The following ABI3BP variants were observed in gnomAD, a reference collection of about 807,000 sequenced individuals.
ABI3BP encodes ABI family member 3 binding protein, also known as target of Nesh-SH3.
In ABI3BP, 216 loss-of-function variants were observed where a neutral mutation model predicts 268.6. The ratio of observed to expected loss-of-function variants is 0.80; its 90% CI spans 0.72 to 0.90. The LOEUF (loss-of-function observed/expected upper bound fraction) is 0.90. Ranked by LOEUF, ABI3BP falls within the 40% of genes least tolerant of loss-of-function variation. ABI3BP has a pLI of 0.00. For missense variants in ABI3BP, 2,090 were observed against 2,182.4 expected (o/e 0.96, Z 0.84); for synonymous variants, 730 against 730.0 (o/e 1.00, Z 0.00).
chr3:100,901,074 T>C (rs1057085516), intron 3 of ABI3BP, among the ~76,000 whole-genome samples: 1 of 152,216 alleles, frequency 6.6e-6, no homozygotes, highest in Non-Finnish European at 1.5e-5. Context: ...AAGTACAGTC[T>C]TGAAATATTG....
chr3:100,914,565 A>G lies in ABI3BP; in HGVS notation c.259+11737T>C, dbSNP rs1583214363. On this transcript the variant is annotated intron_variant, in intron 2 of 67. Transcript: ENST00000471714. ...CATGTTGGTGCGGATGTCACAAGAG[A>G]AGTTGCTCAGAATTGTTTGGAATTG... 2.1e-5 allele frequency: 8 copies of G among 384,056 alleles called. No homozygotes were observed. In the East Asian group the frequency reaches 5.1e-4, roughly 25 times the overall value. The allele number at this position is 384,056 out of a possible 1,614,324, so 23.8% of individuals were successfully genotyped here.
At chr3:100,959,917 G>C (rs909443628) in intron 1 of ABI3BP, among the ~76,000 whole-genome samples, 4 of 152,124 alleles carry the variant, frequency 2.6e-5, no homozygotes, top group African/African-American at 9.7e-5. Context: ...AGTGTCTACT[G>C]TCCTACATAA....
chr3:100,827,947 C>A (rs950000610), intron 34 of ABI3BP, among the ~76,000 whole-genome samples: 1 of 151,300 alleles, frequency 6.6e-6, no homozygotes, highest in Admixed American at 6.6e-5. Flanking sequence ...CATACATTAA[C>A]AAAATAACAA....
In ABI3BP at chr3:100,792,772, G is replaced by C; in HGVS notation, c.3947-4C>G. 1 of 1,610,004 alleles carries C rather than the reference G, an allele frequency of 6.2e-7. No individual in the cohort carries two copies. The highest frequency in any genetic ancestry group is 8.5e-7 in the Non-Finnish European group (1 of 1,177,100). On this transcript the variant is annotated splice_region_variant and splice_polypyrimidine_tract_variant and intron_variant, in intron 54 of 67. Transcript: ENST00000471714. Reference sequence around the variant, plus strand: ...TGGGTGGATTGGTCTGTTTCTTCTAGAGAAAACACAGTAAGATTGCTTGTT... The same window carrying C: ...TGGGTGGATTGGTCTGTTTCTTCTACAGAAAACACAGTAAGATTGCTTGTT...
Position 100,828,442 on chromosome 3 carries a change from T to G in ABI3BP, c.2553A>C (p.Thr851=), listed in dbSNP as rs754302684. ...TTATAGGAGAAACTGGTTCAAAGAT[T>G]GTAGCAGGAACTGGCCAAAAATAAT... ...EELQTELVPA[T]IFEPVSPIKE... is the part of the protein sequence containing the mutation. Residue 851 remains threonine (T), a synonymous_variant, in exon 34 of 68, where the codon ACA becomes ACC. Coordinates refer to ENST00000471714, the MANE Select transcript of ABI3BP (RefSeq NM_001375547.2). 1.3e-6 allele frequency: 2 copies of G among 1,534,990 alleles called. No individual in the cohort carries two copies. The highest frequency in any genetic ancestry group is 2.0e-5 in the Admixed American group (1 of 50,934).
intron 54 of ABI3BP, among the ~76,000 whole-genome samples, chr3:100,793,088 T>C (rs2097246626): frequency 1.3e-5 from 2 of 151,950 alleles, no homozygotes; most frequent in Non-Finnish European, 2.9e-5. Context: ...GTTGCCTCGA[T>C]GTATTTATCT....
At chr3:100,988,621 T>A (rs752046969) in intron 1 of ABI3BP, among the ~76,000 whole-genome samples, 1 of 152,130 alleles carries the variant, frequency 6.6e-6, no homozygotes, top group Non-Finnish European at 1.5e-5. Context: ...GGATCCTTTT[T>A]TTCTCAAAAT....
intron 50 of ABI3BP, among the ~76,000 whole-genome samples, chr3:100,806,977 T>C (rs1468844841): frequency 1.3e-5 from 2 of 152,106 alleles, no homozygotes; most frequent in Non-Finnish European, 2.9e-5. Context: ...TCCTATTACT[T>C]CATATCTCCT....
intron 1 of ABI3BP, among the ~76,000 whole-genome samples, chr3:100,986,307 C>T (rs2091740880): frequency 6.6e-6 from 1 of 152,172 alleles, no homozygotes; most frequent in South Asian, 2.1e-4. Context: ...TCAGACCTCA[C>T]CTCTGGCCAG....
At chr3:100,944,011 T>A (rs1402322719) in intron 1 of ABI3BP, among the ~76,000 whole-genome samples, 1 of 152,164 alleles carries the variant, frequency 6.6e-6, no homozygotes, top group Non-Finnish European at 1.5e-5. Context: ...TTCTTAGTAG[T>A]AAGCGCAGAT....
chr3:100,988,059 T>A (rs902966908), intron 1 of ABI3BP, among the ~76,000 whole-genome samples: 7 of 152,210 alleles, frequency 4.6e-5, no homozygotes, highest in Non-Finnish European at 5.9e-5. Context: ...TATATGTTAC[T>A]CAAATAAAAG....
intron 6 of ABI3BP, among the ~76,000 whole-genome samples, chr3:100,879,405 GCA>G (rs2099202332): frequency 6.6e-6 from 1 of 152,178 alleles, no homozygotes. Flanking sequence ...GTCACTTAGT[GCA>G]CATTTTGTAC....
At chr3:100,882,460 A>ATTTT (rs537647839) in intron 6 of ABI3BP, among the ~76,000 whole-genome samples, 2 of 148,650 alleles carry the variant, frequency 1.3e-5, no homozygotes, top group African/African-American at 2.5e-5. Context: ...ATATATATAT[A>ATTTT]TTTTTTTTGC....
At chr3:100,843,680 A>G (rs566866293) in intron 20 of ABI3BP, 2 of 984,474 alleles carry the variant, frequency 2.0e-6, no homozygotes, top group Non-Finnish European at 2.4e-6. Flanking sequence ...GAGTGCATGT[A>G]TAGGTCTAAG....
intron 1 of ABI3BP, among the ~76,000 whole-genome samples, chr3:100,931,734 G>A (rs1003958632): frequency 1.4e-4 from 21 of 152,068 alleles, no homozygotes; most frequent in African/African-American, 4.1e-4. Context: ...AACATCTCAT[G>A]CTCATGAATA....
intron 9 of ABI3BP, among the ~76,000 whole-genome samples, chr3:100,869,158 G>C (rs750215092): frequency 6.6e-6 from 1 of 151,778 alleles, no homozygotes; most frequent in East Asian, 1.9e-4. Flanking sequence ...CACAGGCGAT[G>C]CTCTCAATTT....
intron 28 of ABI3BP, among the ~76,000 whole-genome samples, chr3:100,835,089 G>C (rs1289026908): frequency 6.6e-6 from 1 of 152,182 alleles, no homozygotes; most frequent in Non-Finnish European, 1.5e-5. Flanking sequence ...ATCAGAGAGG[G>C]ACCCAGGCCT....
chr3:100,820,923 A>G (rs1430306239), intron 39 of ABI3BP, 131 bp downstream of exon 39: 10 of 805,588 alleles, frequency 1.2e-5, no homozygotes, highest in Non-Finnish European at 1.8e-5. Context: ...TTTAGGATGA[A>G]GAATATGATG....
rs58342344 is a variant in ABI3BP, at chr3:100,894,938, C to CAAAAAAAAAAAAAAAAA, written c.461+3807_461+3823dup. Among the ~76,000 whole-genome samples the CAAAAAAAAAAAAAAAAA allele has an allele frequency of 7.7e-4, 29 of 37,728 alleles. 1 individual carries two copies. Among genetic ancestry groups the CAAAAAAAAAAAAAAAAA allele is most frequent in the East Asian group, 1.6e-3 (1 of 636 alleles). The allele number at this position is 37,728 out of a possible 152,430, so 24.8% of individuals were successfully genotyped here. Reference sequence around the variant, plus strand: ...TGGGCGACAGAGCGGGATTCCGCTTCAAAAAAAAAAAAAAAAAAAAAAAAA... The same window carrying CAAAAAAAAAAAAAAAAA: ...TGGGCGACAGAGCGGGATTCCGCTTCAAAAAAAAAAAAAAAAAAAAAAAAAAAAAAAAAAAAAAAAAA... On this transcript the variant is annotated intron_variant, in intron 4 of 67. Coordinates refer to ENST00000471714, the MANE Select transcript of ABI3BP (RefSeq NM_001375547.2).
Sources: allele counts gnomAD v4.1 joint callset (sites outside exome capture counted in the v4.1 genomes callset), GRCh38; gene constraint gnomAD v4.1.1; transcripts MANE v1.5; gene names NCBI Gene and HGNC (gene_info 2026-07-23, HGNC 2026-07-21).